Variants in HEATR1 observed in about 807,000 individuals in gnomAD.
HEATR1 encodes the protein HEAT repeat-containing protein 1.
A neutral mutation model predicts 248.2 loss-of-function variants in HEATR1; 77 were observed. The observed-to-expected ratio is 0.31, with a 90% CI of 0.26 to 0.37. The LOEUF is 0.37. Ranked by LOEUF, HEATR1 falls within the 10% of genes least tolerant of loss-of-function variation. The pLI is 1.00. For missense variants in HEATR1, 2,420 were observed against 2,504.9 expected, an observed-to-expected ratio of 0.97 and a Z score of 0.72; for synonymous variants, 897 against 923.1, an observed-to-expected ratio of 0.97 and a Z score of 0.51.
intron 3 of HEATR1, among the ~76,000 whole-genome samples, chr1:236,601,025 G>A (rs1055514152): frequency 2.0e-5 from 3 of 152,100 alleles, no homozygotes; most frequent in African/African-American, 7.2e-5. Flanking sequence ...GTTATCTGAA[G>A]ACATAAAATG....
At chr1:236,567,999 A>G (rs1663319383) in intron 29 of HEATR1, among the ~76,000 whole-genome samples, 1 of 152,236 alleles carries the variant, frequency 6.6e-6, no homozygotes, top group African/African-American at 2.4e-5. Context: ...AAACACTTGA[A>G]TGAATGAATA....
At chr1:236,575,763 C>T (rs1284160902) in intron 22 of HEATR1, among the ~76,000 whole-genome samples, 3 of 152,172 alleles carry the variant, frequency 2.0e-5, no homozygotes, top group African/African-American at 7.2e-5. Flanking sequence ...TTCACAACTG[C>T]TTTCTTTTGT....
intron 6 of HEATR1, 124 bp downstream of exon 6, chr1:236,596,711 TA>T: frequency 2.1e-6 from 2 of 938,600 alleles, no homozygotes; most frequent in Non-Finnish European, 3.1e-6. Flanking sequence ...ACCTAAAGGC[TA>T]AATCTCAGCT....
chr1:236,555,802 T>C lies in HEATR1; in HGVS notation c.5649+3A>G, dbSNP rs771999826. 1.2e-6 allele frequency: 2 copies of C among 1,614,004 alleles called. No individual in the cohort carries two copies. Among genetic ancestry groups the C allele is most frequent in the African/African-American group, 1.3e-5 (1 of 74,914 alleles). On this transcript the variant is annotated splice_donor_region_variant and intron_variant, in intron 39 of 44. Transcript: ENST00000366582. ...GGATTTGGAGGAGTGAACCTGAGCT[T>C]ACCTCAGAGTGCTGGGCTCGGAAGT...
intron 8 of HEATR1, among the ~76,000 whole-genome samples, chr1:236,595,261 A>G (rs1367581195): frequency 6.6e-6 from 1 of 152,136 alleles, no homozygotes; most frequent in African/African-American, 2.4e-5. Flanking sequence ...TAAATTTTAA[A>G]AGTATTCCAG....
intron 33 of HEATR1, among the ~76,000 whole-genome samples, chr1:236,560,486 A>G (rs1290806193): frequency 6.6e-6 from 1 of 152,172 alleles, no homozygotes; most frequent in East Asian, 1.9e-4. Flanking sequence ...ACCGCACAGC[A>G]GAGGAGGGGA....
intron 20 of HEATR1, among the ~76,000 whole-genome samples, chr1:236,578,944 A>C (rs893218518): frequency 1.3e-5 from 2 of 152,216 alleles, no homozygotes; most frequent in African/African-American, 4.8e-5. Context: ...TTCCTTTTAC[A>C]GTAATTAGTT....
At chr1:236,578,249 T>C (rs1663619043) in intron 20 of HEATR1, among the ~76,000 whole-genome samples, 1 of 152,254 alleles carries the variant, frequency 6.6e-6, no homozygotes, top group African/African-American at 2.4e-5. Context: ...TGTTTCCAAA[T>C]GGATAGCCAG....
In HEATR1 at chr1:236,551,274, C is replaced by G. The variant is rs1272123777; in HGVS notation, c.6347-284G>C. 1.5e-5 allele frequency: 6 copies of G among 398,980 alleles called. No homozygotes were observed. The East Asian group carries it at 2.2e-4, about 14-fold the overall frequency. 24.7% of individuals were successfully genotyped at this position (398,980 alleles called of 1,614,324 possible). A position where few individuals can be genotyped will look rare whatever the true frequency, so the allele number is the denominator to read the frequency against. ...CCCTTTAGTAGCTCACACCTCCCCC[C>G]TCCAAGAGCTAAGAAACAAAGGAGA... On this transcript the variant is annotated intron_variant, in intron 44 of 44. Transcript: ENST00000366582.
At position 236,558,219 on chromosome 1, in the gene HEATR1, A is replaced by G; in HGVS notation, c.5204+18T>C. 1 of 1,600,780 alleles carries G rather than the reference A, an allele frequency of 6.2e-7. No individual in the cohort carries two copies. The highest frequency in any genetic ancestry group is 8.5e-7 in the Non-Finnish European group (1 of 1,174,268). ...GCCAGGCGGTAACAGCTCCTGTTCCAAGTCTCCGGCCGCATACCTGGGAAG... is the reference window on the plus strand; with the variant it reads ...GCCAGGCGGTAACAGCTCCTGTTCCGAGTCTCCGGCCGCATACCTGGGAAG... On this transcript the variant is annotated intron_variant, in intron 36 of 44. Coordinates refer to ENST00000366582, the MANE Select transcript of HEATR1 (RefSeq NM_018072.6).
At chr1:236,564,452 A>G (rs771701346) in intron 32 of HEATR1, 46 bp downstream of exon 32, 3 of 1,561,222 alleles carry the variant, frequency 1.9e-6, no homozygotes, top group Non-Finnish European at 2.6e-6. Flanking sequence ...AGTTCCTTGG[A>G]GACAGCAGAA....
At chr1:236,592,149 A>G in intron 10 of HEATR1, 39 bp from the exon 11 acceptor site, 2 of 1,054,388 alleles carry the variant, frequency 1.9e-6, no homozygotes, top group Non-Finnish European at 2.9e-6. Context: ...TATTCTTAAT[A>G]AATTTATTAA....
rs1357694866 is a variant in HEATR1 at position 236,549,250 on chromosome 1, A to G, written c.*1652T>C. 8.7e-6 allele frequency: 3 copies of G among 346,134 alleles called. No individual in the cohort carries two copies. The allele number at this position is 346,134 out of a possible 1,614,324, so 21.4% of individuals were successfully genotyped here. On this transcript the variant is annotated 3_prime_UTR_variant, in exon 45 of 45. Transcript: ENST00000366582. ...TTCCACTTTACGTGATTAAAATCAA[A>G]CCTGTATCAGCAAGTTAAATGGTTC...
At chr1:236,598,965 C>T (rs1664247743) in intron 4 of HEATR1, among the ~76,000 whole-genome samples, 1 of 152,186 alleles carries the variant, frequency 6.6e-6, no homozygotes, top group South Asian at 2.1e-4. Flanking sequence ...TACAAGCATC[C>T]TTTTCTTAGT....
At position 236,556,046 on chromosome 1, in the gene HEATR1, A is replaced by C. The variant is rs962161561; in HGVS notation, c.5514+54T>G. On this transcript the variant is annotated intron_variant, in intron 38 of 44. Transcript: ENST00000366582. The stretch of plus-strand genomic sequence containing the variant: ...TTCTTCTTTAAGTCAAAGTTTACAC[A>C]TTGCAGTACCACCTCTCCCTTCTCC... The C allele has an allele frequency of 1.2e-6, 2 of 1,608,282 alleles. No homozygotes were observed. The highest frequency in any genetic ancestry group is 8.5e-7 in the Non-Finnish European group (1 of 1,175,200).
At chr1:236,604,203 A>G in intron 1 of HEATR1, 76 bp from the exon 2 acceptor site, 3 of 1,218,426 alleles carry the variant, frequency 2.5e-6, no homozygotes. Context: ...TCTCTTCTGC[A>G]CTCAGCACCG....
At chr1:236,586,517 C>T (rs2799420) in intron 14 of HEATR1, 65 bp from the exon 15 acceptor site, 676,773 of 1,033,520 alleles carry the variant, frequency 0.65, 226,075 homozygotes, top group Non-Finnish European at 0.7. Context: ...GGCAAAAATT[C>T]ATCATTACAT....
rs1021543535 is a variant in HEATR1, at chr1:236,557,214, A to C, written c.5336T>G (p.Leu1779Arg). ...GCTCACCTGGGAGAGAATGCCTTCC[A>C]GATAGGGGCTGATGAAGTGCGGGAG... ...ETLPHFISPY[L>R]EGILSQVIHL... The change falls in exon 37 of 45, where the codon CTG becomes CGG. Residue 1779 changes from leucine (L) to arginine (R), a missense_variant. Leu to Arg is a moderately radical substitution (Grantham distance 102). Coordinates refer to ENST00000366582, the MANE Select transcript of HEATR1 (RefSeq NM_018072.6). 2 of 1,614,004 alleles carry C rather than the reference A, an allele frequency of 1.2e-6. No homozygotes were observed. Among genetic ancestry groups the C allele is most frequent in the Admixed American group, 1.7e-5 (1 of 60,012 alleles).
At chr1:236,551,295 G>A in intron 44 of HEATR1, 1 of 339,716 alleles carries the variant, frequency 2.9e-6, no homozygotes, top group Non-Finnish European at 5.4e-6. Flanking sequence ...AAGAAACAAA[G>A]GAGAATGTAC....
Sources: allele counts gnomAD v4.1 joint callset (sites outside exome capture counted in the v4.1 genomes callset), GRCh38; gene constraint gnomAD v4.1.1; transcripts MANE v1.5; gene names NCBI Gene and HGNC (gene_info 2026-07-23, HGNC 2026-07-21).